The following LRP2 variants were observed in gnomAD, a reference collection of about 807,000 sequenced individuals.
The protein encoded by LRP2 is low-density lipoprotein receptor-related protein 2.
LRP2 carries 172 observed loss-of-function variants against 531.0 expected under a neutral mutation model. The observed-to-expected ratio is 0.32, with a 90% CI of 0.29 to 0.37. The LOEUF (loss-of-function observed/expected upper bound fraction) is 0.37. LRP2 is among the 10% of genes least tolerant of loss of function. The pLI is 1.00. For missense variants in LRP2, 5,167 were observed against 5,868.3 expected (o/e 0.88, Z 3.90); for synonymous variants, 1,992 against 2,027.6 (o/e 0.98, Z 0.47).
intron 1 of LRP2, among the ~76,000 whole-genome samples, chr2:169,344,087 T>C (rs1685635490): frequency 6.6e-6 from 1 of 152,148 alleles, no homozygotes; most frequent in African/African-American, 2.4e-5. Flanking sequence ...GCATAGGATA[T>C]GGTTTTATAA....
intron 19 of LRP2, 150 bp downstream of exon 19, chr2:169,255,956 T>C: frequency 1.4e-6 from 1 of 705,674 alleles, no homozygotes; most frequent in Non-Finnish European, 2.3e-6. Flanking sequence ...AACCAAATGT[T>C]TTGTCTAAAT....
chr2:169,268,224 GC>G (rs1683287126), intron 16 of LRP2, among the ~76,000 whole-genome samples: 1 of 151,852 alleles, frequency 6.6e-6, no homozygotes, highest in African/African-American at 2.4e-5. Flanking sequence ...TCCAATCAAA[GC>G]AAAAAGAGGG....
At chr2:169,244,135 G>A (rs1689916853) in intron 22 of LRP2, among the ~76,000 whole-genome samples, 1 of 152,158 alleles carries the variant, frequency 6.6e-6, no homozygotes, top group South Asian at 2.1e-4. Context: ...GCCTAGTCAG[G>A]CAACCAGGAC....
intron 37 of LRP2, among the ~76,000 whole-genome samples, chr2:169,210,813 T>C (rs1039910238): frequency 2.0e-5 from 3 of 152,192 alleles, no homozygotes; most frequent in Admixed American, 1.3e-4. Flanking sequence ...TGCTAACATA[T>C]GTAGGGGTAA....
intron 16 of LRP2, among the ~76,000 whole-genome samples, chr2:169,265,021 A>G (rs1030350763): frequency 2.0e-5 from 3 of 151,926 alleles, no homozygotes; most frequent in Non-Finnish European, 2.9e-5. Context: ...CCCAGAACAG[A>G]CCACCATCTC....
At chr2:169,269,748 G>A (rs1683348353) in intron 16 of LRP2, among the ~76,000 whole-genome samples, 1 of 152,136 alleles carries the variant, frequency 6.6e-6, no homozygotes, top group East Asian at 1.9e-4. Flanking sequence ...AGCCAAAATT[G>A]ACAAATGGGA....
chr2:169,148,707 G>T (rs1411252244), intron 68 of LRP2, among the ~76,000 whole-genome samples: 6 of 152,052 alleles, frequency 3.9e-5, no homozygotes, highest in Non-Finnish European at 7.4e-5. Flanking sequence ...AAAACGTAGG[G>T]AATGGAATGG....
chr2:169,188,296 A>G, intron 48 of LRP2, 31 bp from the exon 49 acceptor site: 2 of 1,611,650 alleles, frequency 1.2e-6, no homozygotes, highest in Non-Finnish European at 8.5e-7. Flanking sequence ...CCACTTTCAG[A>G]GAGGTTGGCA....
In LRP2 at chr2:169,191,968, T is replaced by A. The variant is rs1321648571; in HGVS notation, c.8896A>T (p.Ile2966Phe). Reference protein sequence around the residue: ...VNDRPPDRRCIPQSWVCDGDV... With the variant: ...VNDRPPDRRCFPQSWVCDGDV... Reference sequence around the variant, plus strand: ...CCATCACAGACCCAAGACTGGGGAATGCACCTCCTGTCCGGAGGTCTGTCA... The same window carrying A: ...CCATCACAGACCCAAGACTGGGGAAAGCACCTCCTGTCCGGAGGTCTGTCA... Residue 2966 changes from isoleucine to phenylalanine, a missense_variant, in exon 48 of 79, where the codon ATT (isoleucine) becomes TTT (phenylalanine). By Grantham distance (21) the Ile-to-Phe change is conservative. Around this residue, in one of 6 missense-constraint regions of LRP2, gnomAD observed 1,129 missense variants for 1,362.7 expected, o/e 0.83. Transcript: ENST00000649046. 1 of 1,614,180 alleles carries A rather than the reference T, an allele frequency of 6.2e-7. No individual in the cohort carries two copies. Among genetic ancestry groups the A allele is most frequent in the South Asian group, 1.1e-5 (1 of 91,076 alleles).
intron 29 of LRP2, among the ~76,000 whole-genome samples, 197 bp downstream of exon 29, chr2:169,235,643 C>T (rs547377831): frequency 6.6e-6 from 1 of 152,304 alleles, no homozygotes; most frequent in South Asian, 2.1e-4. Context: ...ACAAGCTGAC[C>T]ATGAACTGGA....
intron 71 of LRP2, among the ~76,000 whole-genome samples, chr2:169,140,969 T>C (rs1163133281): frequency 2.0e-5 from 3 of 152,114 alleles, no homozygotes; most frequent in Non-Finnish European, 2.9e-5. Flanking sequence ...CAGTAATTGA[T>C]CAGTCCACAG....
intron 31 of LRP2, among the ~76,000 whole-genome samples, chr2:169,230,378 T>A (rs974001234): frequency 1.3e-5 from 2 of 152,244 alleles, no homozygotes; most frequent in African/African-American, 4.8e-5. Context: ...TCTTTCATCA[T>A]GAAAGTATCA....
intron 21 of LRP2, among the ~76,000 whole-genome samples, chr2:169,246,161 T>C (rs1049911750): frequency 5.3e-5 from 8 of 152,154 alleles, no homozygotes; most frequent in African/African-American, 1.9e-4. Context: ...TTTATATACA[T>C]ATTTTTTTCT....
intron 46 of LRP2, among the ~76,000 whole-genome samples, chr2:169,196,518 A>C (rs1688010206): frequency 6.6e-6 from 1 of 152,098 alleles, no homozygotes; most frequent in Non-Finnish European, 1.5e-5. Context: ...TGCTCCTAAT[A>C]TACTCCTTCC....
At chr2:169,305,765 A>G (rs1281686179) in intron 4 of LRP2, among the ~76,000 whole-genome samples, 4 of 152,204 alleles carry the variant, frequency 2.6e-5, no homozygotes, top group African/African-American at 4.8e-5. Context: ...CATGGACTAC[A>G]TGTACTACAG....
chr2:169,259,152 T>C lies in LRP2; in HGVS notation c.2386A>G (p.Lys796Glu), dbSNP rs1428722917. 1.9e-6 allele frequency: 3 copies of C among 1,613,418 alleles called. No homozygotes were observed. The South Asian group carries it at 3.3e-5, about 18-fold the overall frequency. The change falls in exon 17 of 79, where the codon AAG becomes GAG. Residue 796 changes from lysine (K) to glutamate (E), a missense_variant. Physicochemically the swap from Lys to Glu is moderately conservative, Grantham distance 56. This residue lies in a region of LRP2 where 2,811 missense variants were observed against 3,058.0 expected (regional missense o/e 0.92). Coordinates refer to ENST00000649046, the MANE Select transcript of LRP2 (RefSeq NM_004525.3). Reference sequence around the variant, plus strand: ...TGAGAGTCTGTCCAATAGAGATTCTTTGAAATCCAATCAAAAGCCAAACTT... The same window carrying C: ...TGAGAGTCTGTCCAATAGAGATTCTCTGAAATCCAATCAAAAGCCAAACTT... ...VESLAFDWIS[K>E]NLYWTDSHYK...
chr2:169,327,740 C>T (rs1415558127), intron 1 of LRP2, among the ~76,000 whole-genome samples: 5 of 131,584 alleles, frequency 3.8e-5, no homozygotes, highest in Admixed American at 1.4e-4. Flanking sequence ...CCAGCCGCCC[C>T]GTCCGGGAGG....
Position 169,206,386 on chromosome 2 carries a change from T to C in LRP2, c.7334A>G (p.Gln2445Arg), listed in dbSNP as rs557894241. The change falls in exon 39 of 79, where the codon CAG becomes CGG. Residue 2445 changes from glutamine (Q) to arginine (R), a missense_variant. By Grantham distance (43) the Gln-to-Arg change is conservative. Coordinates refer to ENST00000649046, the MANE Select transcript of LRP2 (RefSeq NM_004525.3). ...TGAAGACAGGGTGGCATAGGAAATC[T>C]GTCCAACTCCAGAGGCTAAATTTTG... ...FTQNLASGVG[Q>R]ISYATLSSGI... 1.2e-6 allele frequency: 2 copies of C among 1,614,196 alleles called. No individual in the cohort carries two copies. Among genetic ancestry groups the C allele is most frequent in the African/African-American group, 2.7e-5 (2 of 75,074 alleles).
At chr2:169,142,193 G>A (rs1011444636) in intron 71 of LRP2, among the ~76,000 whole-genome samples, 2 of 152,178 alleles carry the variant, frequency 1.3e-5, no homozygotes, top group Admixed American at 6.5e-5. Flanking sequence ...CACCCACAGC[G>A]TTTGGGACTA....
Sources: gnomAD v4.1 joint callset for allele counts (sites outside exome capture counted in the v4.1 genomes callset) on GRCh38, gnomAD v4.1.1 for gene constraint, gnomAD v4.1.1 regional missense constraint, MANE v1.5 for transcripts, NCBI Gene and HGNC (gene_info 2026-07-23, HGNC 2026-07-21) for gene names.